Variants in EIF5B observed in about 807,000 individuals in gnomAD.
EIF5B encodes eIF-5B.
In EIF5B, 47 loss-of-function variants were observed where a neutral mutation model predicts 147.5. The observed-to-expected ratio is 0.32, with a 90% confidence interval of 0.25 to 0.41. The LOEUF is 0.41. EIF5B is among the 10% of genes least tolerant of loss of function. The probability of loss-of-function intolerance (pLI) is 1.00; values close to 1 mark genes in which losing one functional copy is unlikely to be tolerated. For missense variants in EIF5B, 1,064 were observed against 1,413.2 expected (o/e 0.75, Z 3.96); for synonymous variants, 455 against 456.2 (o/e 1.00, Z 0.03).
At chr2:99,380,457 G>T (rs1394806467) in intron 12 of EIF5B, among the ~76,000 whole-genome samples, 1 of 152,178 alleles carries the variant, frequency 6.6e-6, no homozygotes, top group African/African-American at 2.4e-5. Flanking sequence ...TTTGCCCAGT[G>T]GTTGGCTCTT....
intron 6 of EIF5B, among the ~76,000 whole-genome samples, chr2:99,367,472 T>C (rs1245179346): frequency 1.3e-5 from 2 of 150,940 alleles, no homozygotes; most frequent in Admixed American, 6.6e-5. Context: ...AGAGTTTCGC[T>C]ATTGTCCAGA....
intron 18 of EIF5B, 32 bp from the exon 19 acceptor site, chr2:99,394,235 G>C: frequency 6.3e-7 from 1 of 1,591,566 alleles, no homozygotes; most frequent in East Asian, 2.2e-5. Flanking sequence ...GAGGTGTGTT[G>C]ACAACCTTAT....
chr2:99,378,995 A>ATTTT, intron 10 of EIF5B, 24 bp from the exon 11 acceptor site: 1 of 1,271,948 alleles, frequency 7.9e-7, no homozygotes, highest in South Asian at 1.6e-5. Flanking sequence ...TTAATTTTTG[A>ATTTT]TTTTTTTTTT....
At chr2:99,344,404 TTTG>T (rs149285717) in intron 1 of EIF5B, among the ~76,000 whole-genome samples, 313 of 149,436 alleles carry the variant, frequency 2.1e-3, no homozygotes, top group Middle Eastern at 7.0e-3. Context: ...GCCACCACAG[TTTG>T]TTGTTGTTGT....
At chr2:99,384,193 T>G (rs1471090552) in intron 14 of EIF5B, among the ~76,000 whole-genome samples, 2 of 27,466 alleles carry the variant, frequency 7.3e-5, no homozygotes, top group African/African-American at 2.9e-4. Context: ...CGAGACTCCG[T>G]CTCAAAAAAA....
chr2:99,371,415 A>C (rs950249530), intron 8 of EIF5B, among the ~76,000 whole-genome samples: 1 of 151,522 alleles, frequency 6.6e-6, no homozygotes, highest in South Asian at 2.1e-4. Context: ...GTGAACCCGG[A>C]AGGCGGAGCT....
chr2:99,375,463 A>G (rs1366970056), intron 9 of EIF5B, among the ~76,000 whole-genome samples: 1 of 152,178 alleles, frequency 6.6e-6, no homozygotes, highest in Non-Finnish European at 1.5e-5. Flanking sequence ...ACAGCTCTTC[A>G]TGATTGTACC....
At chr2:99,396,233 T>C (rs182609723) in intron 21 of EIF5B, among the ~76,000 whole-genome samples, 170 of 152,342 alleles carry the variant, frequency 1.1e-3, no homozygotes, top group African/African-American at 3.8e-3. Flanking sequence ...CTGGAAACTT[T>C]TAAAGCATTT....
intron 22 of EIF5B, chr2:99,397,700 T>G (rs1675086424): frequency 6.6e-6 from 1 of 152,228 alleles, no homozygotes; most frequent in South Asian, 2.1e-4. Context: ...CCATCTCCAT[T>G]AGAAACTTGC....
intron 1 of EIF5B, among the ~76,000 whole-genome samples, chr2:99,352,270 A>T (rs566651831): frequency 6.6e-6 from 1 of 151,452 alleles, no homozygotes; most frequent in South Asian, 2.1e-4. Flanking sequence ...ATCTCAGCTT[A>T]CTGCAACCTC....
chr2:99,343,507 C>T (rs992666901), intron 1 of EIF5B, among the ~76,000 whole-genome samples: 1 of 151,900 alleles, frequency 6.6e-6, no homozygotes, highest in Admixed American at 6.6e-5. Context: ...GAAGATTTAC[C>T]TGTATGTTTT....
At chr2:99,376,294 A>G in intron 9 of EIF5B, 53 bp from the exon 10 acceptor site, 1 of 1,183,166 alleles carries the variant, frequency 8.5e-7, no homozygotes, top group Non-Finnish European at 1.2e-6. Flanking sequence ...TTATCTTGAT[A>G]TAAATCTATC....
intron 9 of EIF5B, among the ~76,000 whole-genome samples, chr2:99,372,116 CTTT>C (rs1674463517): frequency 3.3e-5 from 5 of 152,138 alleles, no homozygotes; most frequent in Admixed American, 3.3e-4. Flanking sequence ...GTTTCCCCTT[CTTT>C]ATTACTGAAA....
chr2:99,345,140 A>G (rs1199306426), intron 1 of EIF5B, among the ~76,000 whole-genome samples: 1 of 152,198 alleles, frequency 6.6e-6, no homozygotes, highest in Non-Finnish European at 1.5e-5. Context: ...TCCATTTGGA[A>G]GTTTTATGAT....
At chr2:99,390,111 G>A in intron 15 of EIF5B, 108 bp from the exon 16 acceptor site, 1 of 1,282,864 alleles carries the variant, frequency 7.8e-7, no homozygotes, top group Non-Finnish European at 1.1e-6. Context: ...GTGTTTATGA[G>A]GAGTTTCAAA....
At chr2:99,346,599 T>TTC (rs2094273916) in intron 1 of EIF5B, among the ~76,000 whole-genome samples, 1 of 134,354 alleles carries the variant, frequency 7.4e-6, no homozygotes, top group Non-Finnish European at 1.6e-5. Flanking sequence ...CTTTTTTTTT[T>TTC]TTTTTTTTTT....
intron 6 of EIF5B, among the ~76,000 whole-genome samples, chr2:99,367,286 A>G (rs926387787): frequency 1.3e-5 from 2 of 152,242 alleles, no homozygotes; most frequent in Non-Finnish European, 2.9e-5. Flanking sequence ...AAGACCTCTC[A>G]AAATTCAACT....
Position 99,394,891 on chromosome 2 carries a change from A to T in EIF5B, c.3254+8A>T. 6.4e-7 allele frequency: 1 copy of T among 1,558,934 alleles called. No homozygotes were observed. The highest frequency in any genetic ancestry group is 8.7e-7 in the Non-Finnish European group (1 of 1,147,980). ...GAAACAAGAAGAATTTAAGTAAGTT[A>T]CTGTTTTTATTTACTTTGAGTCTTT... On this transcript the variant is annotated splice_region_variant and intron_variant, in intron 21 of 23. Transcript: ENST00000289371.
Position 99,359,453 on chromosome 2 carries a change from G to A in EIF5B, c.36-783G>A, listed in dbSNP as rs550445103. 4.6e-5 allele frequency among the ~76,000 whole-genome samples: 7 copies of A among 152,230 alleles called. No homozygotes were observed. The South Asian group carries it at 1.5e-3, about 32-fold the overall frequency. On this transcript the variant is annotated intron_variant, in intron 1 of 23. Transcript: ENST00000289371. ...GTCCATTATAAAGGCCACATTACAT[G>A]AGTTGTTTTCTTACTGTGCCATTCA...
Sources: gnomAD v4.1 joint callset for allele counts (sites outside exome capture counted in the v4.1 genomes callset) on GRCh38, gnomAD v4.1.1 for gene constraint, MANE v1.5 for transcripts, NCBI Gene and HGNC (gene_info 2026-07-23, HGNC 2026-07-21) for gene names.